The following GLIS3 variants were observed in gnomAD, a reference collection of about 807,000 sequenced individuals.
GLIS3 encodes the protein GLIS family zinc finger 3.
A neutral mutation model predicts 78.6 loss-of-function variants in GLIS3; 53 were observed. The observed-to-expected ratio is 0.67, with a 90% CI of 0.54 to 0.85. The LOEUF is 0.85. Among genes scored for constraint, GLIS3 ranks in the 40% least tolerant of loss-of-function variants. GLIS3 has a pLI of 0.00. For synonymous variants in GLIS3, 684 were observed against 509.9 expected (o/e 1.34, Z -4.60); for missense variants, 1,703 against 1,231.1 (o/e 1.38, Z -5.74).
the GLIS3 span, among the ~76,000 whole-genome samples, chr9:4,389,651 CAA>C: frequency 6.6e-6 from 1 of 152,006 alleles, no homozygotes; most frequent in African/African-American, 2.4e-5. Flanking sequence ...AACTTCTGCC[CAA>C]GACAATCACA....
intron 4 of GLIS3, among the ~76,000 whole-genome samples, chr9:4,099,017 G>C (rs564631239): frequency 1.3e-5 from 2 of 152,138 alleles, no homozygotes; most frequent in African/African-American, 4.8e-5. Context: ...GACACATCTG[G>C]TTGACCCTTC....
intron 2 of GLIS3, among the ~76,000 whole-genome samples, chr9:4,145,484 G>A (rs1054809799): frequency 1.3e-5 from 2 of 152,054 alleles, no homozygotes; most frequent in Non-Finnish European, 2.9e-5. Flanking sequence ...GGAACAACAT[G>A]ATCTAAAACC....
chr9:4,403,299 CA>C, the GLIS3 span, among the ~76,000 whole-genome samples: 1 of 152,144 alleles, frequency 6.6e-6, no homozygotes, highest in Non-Finnish European at 1.5e-5. Flanking sequence ...CTCTCCTACA[CA>C]AAATGCTAAA....
rs147195435 is a variant in GLIS3, at chr9:3,940,675, A to T, written c.1711-3486T>A. 3.5e-4 allele frequency among the ~76,000 whole-genome samples: 53 copies of T among 152,306 alleles called. No individual in the cohort carries two copies. In the East Asian group the frequency reaches 8.7e-3, roughly 25 times the overall value. On this transcript the variant is annotated intron_variant, in intron 4 of 10. Transcript: ENST00000381971. ...ACAAACAAACTCTCGGAATCCAAGG[A>T]GGAAACAGAAGGTGGCTGAATAGAA...
At chr9:3,936,867 T>C (rs1002552146) in intron 5 of GLIS3, among the ~76,000 whole-genome samples, 161 bp downstream of exon 5, 2 of 152,180 alleles carry the variant, frequency 1.3e-5, no homozygotes, top group Admixed American at 6.5e-5. Context: ...GCCAAATAAA[T>C]AGGGCCCCAT....
At chr9:4,110,866 T>C (rs1227540669) in intron 4 of GLIS3, among the ~76,000 whole-genome samples, 2 of 152,240 alleles carry the variant, frequency 1.3e-5, no homozygotes, top group Non-Finnish European at 2.9e-5. Context: ...TTCTGAAAGA[T>C]CAAAGAGAAT....
chr9:4,304,180 G>A (rs547410759), upstream of GLIS3, among the ~76,000 whole-genome samples: 7 of 152,316 alleles, frequency 4.6e-5, no homozygotes, highest in Admixed American at 3.9e-4. Context: ...TCATTTCAGT[G>A]TTCCAAAAGA....
At chr9:4,154,586 C>A (rs993074162) in intron 2 of GLIS3, among the ~76,000 whole-genome samples, 1 of 144,412 alleles carries the variant, frequency 6.9e-6, no homozygotes, top group African/African-American at 2.7e-5. Flanking sequence ...TAAAGACTTA[C>A]ATAAACAGTC....
Position 4,131,816 on chromosome 9 carries a change from G to T in GLIS3, c.389-5875C>A, listed in dbSNP as rs113209050. Among the ~76,000 whole-genome samples the T allele has an allele frequency of 7.3e-3, 1,112 of 152,070 alleles. 7 individuals carry two copies. The highest frequency in any genetic ancestry group is 0.017 in the Middle Eastern group (5 of 294). On this transcript the variant is annotated intron_variant, in intron 2 of 10. Coordinates refer to ENST00000381971, the MANE Select transcript of GLIS3 (RefSeq NM_001042413.2). The stretch of plus-strand genomic sequence containing the variant: ...ATCTAGTATTAACAACATACATAGA[G>T]GACTCAGCACACTATCAAGCACGCA...
intron 7 of GLIS3, among the ~76,000 whole-genome samples, chr9:3,895,464 A>G (rs1200112658): frequency 1.3e-5 from 2 of 152,232 alleles, no homozygotes; most frequent in African/African-American, 4.8e-5. Context: ...GATTTTCAGA[A>G]TAGTAGACAA....
the GLIS3 span, among the ~76,000 whole-genome samples, chr9:4,451,291 A>G: frequency 1.3e-5 from 2 of 152,240 alleles, no homozygotes; most frequent in South Asian, 2.1e-4. Flanking sequence ...TTCAATAAGA[A>G]GAGCTAACTG....
the GLIS3 span, among the ~76,000 whole-genome samples, chr9:4,430,217 T>A: frequency 6.6e-6 from 1 of 152,220 alleles, no homozygotes; most frequent in Non-Finnish European, 1.5e-5. Flanking sequence ...CATGCATGCC[T>A]GTCTAATTCT....
the GLIS3 span, among the ~76,000 whole-genome samples, chr9:4,419,434 G>A: frequency 6.6e-6 from 1 of 152,112 alleles, no homozygotes; most frequent in African/African-American, 2.4e-5. Context: ...AACCTACCAC[G>A]AAGGCGGAAG....
intron 4 of GLIS3, among the ~76,000 whole-genome samples, chr9:3,952,827 G>T (rs1816790161): frequency 6.6e-6 from 1 of 152,078 alleles, no homozygotes; most frequent in South Asian, 2.1e-4. Context: ...ATGGGGTCTG[G>T]ATGCTACATT....
chr9:4,081,717 A>G (rs951576306), intron 4 of GLIS3, among the ~76,000 whole-genome samples: 1 of 152,130 alleles, frequency 6.6e-6, no homozygotes, highest in Admixed American at 6.5e-5. Flanking sequence ...TCACTGCCAG[A>G]CTCTGAATCG....
intron 9 of GLIS3, among the ~76,000 whole-genome samples, chr9:3,853,412 G>C (rs1158762964): frequency 1.3e-5 from 2 of 152,104 alleles, no homozygotes; most frequent in African/African-American, 4.8e-5. Context: ...CACTTAGTCA[G>C]TAAATATTTA....
intron 2 of GLIS3, among the ~76,000 whole-genome samples, chr9:4,229,128 G>C (rs568230458): frequency 1.3e-5 from 2 of 152,206 alleles, no homozygotes; most frequent in African/African-American, 4.8e-5. Context: ...TGAGGAAAAA[G>C]GTAATATCCA....
intron 4 of GLIS3, among the ~76,000 whole-genome samples, chr9:4,047,736 C>G (rs4741880): frequency 0.32 from 48,201 of 151,790 alleles, 8,741 homozygotes; most frequent in Middle Eastern, 0.45. Context: ...CCCATGCCAG[C>G]ACAGAAAAGG....
chr9:4,382,915 G>T, the GLIS3 span, among the ~76,000 whole-genome samples: 39 of 152,226 alleles, frequency 2.6e-4, no homozygotes, highest in African/African-American at 9.1e-4. Flanking sequence ...TAATATTTCT[G>T]GCCCAGGGAA....
Sources: allele counts gnomAD v4.1 joint callset (sites outside exome capture counted in the v4.1 genomes callset), GRCh38; gene constraint gnomAD v4.1.1; transcripts MANE v1.5; gene names NCBI Gene and HGNC (gene_info 2026-07-23, HGNC 2026-07-21).